The following CHST12 variants were observed in gnomAD, a reference collection of about 807,000 sequenced individuals.
CHST12 encodes the protein carbohydrate sulfotransferase 12, also known as carbohydrate (chondroitin 4) sulfotransferase 12.
CHST12 carries 23 observed loss-of-function variants against 27.9 expected under a neutral mutation model. That is an observed-to-expected ratio of 0.82 (90% confidence interval 0.59 to 1.17). The LOEUF is 1.17. CHST12 is among the 50% of genes most tolerant of loss of function. The pLI is 0.00. For synonymous variants in CHST12, 322 were observed against 273.0 expected (o/e 1.18, Z -1.77); for missense variants, 682 against 603.0 (o/e 1.13, Z -1.37).
intron 1 of CHST12, among the ~76,000 whole-genome samples, chr7:2,421,521 C>G (rs1048664800): frequency 6.6e-6 from 1 of 150,670 alleles, no homozygotes; most frequent in Non-Finnish European, 1.5e-5. Context: ...ACTGCAACTT[C>G]CACCTGCCAG....
chr7:2,428,502 G>C (rs1019266079), intron 1 of CHST12, among the ~76,000 whole-genome samples: 1 of 152,108 alleles, frequency 6.6e-6, no homozygotes, highest in Non-Finnish European at 1.5e-5. Context: ...AGCTGGGTCC[G>C]GGGGGTGACC....
At chr7:2,425,576 G>A (rs1019766928) in intron 1 of CHST12, among the ~76,000 whole-genome samples, 4 of 152,168 alleles carry the variant, frequency 2.6e-5, no homozygotes, top group African/African-American at 9.7e-5. Context: ...TGAGGTCACA[G>A]GACTGTTGTG....
At chr7:2,410,335 G>A (rs1010310601) in intron 1 of CHST12, among the ~76,000 whole-genome samples, 2 of 152,232 alleles carry the variant, frequency 1.3e-5, no homozygotes, top group Admixed American at 1.3e-4. Flanking sequence ...AAGACAGTGA[G>A]TGGATTAACT....
At chr7:2,417,637 G>A (rs1380411238) in intron 1 of CHST12, among the ~76,000 whole-genome samples, 1 of 152,072 alleles carries the variant, frequency 6.6e-6, no homozygotes, top group Non-Finnish European at 1.5e-5. Flanking sequence ...TGATCCGCCT[G>A]CCTTGGCCTC....
chr7:2,416,877 ACGC>A (rs1781822552), intron 1 of CHST12, among the ~76,000 whole-genome samples: 1 of 152,138 alleles, frequency 6.6e-6, no homozygotes, highest in Non-Finnish European at 1.5e-5. Flanking sequence ...AGAGTCACAT[ACGC>A]CTTCTCCGCA....
chr7:2,404,782 A>T (rs1781479277), intron 1 of CHST12, among the ~76,000 whole-genome samples: 2 of 152,238 alleles, frequency 1.3e-5, no homozygotes, highest in African/African-American at 2.4e-5. Context: ...AAAGGAGTTT[A>T]TGGGACTTTG....
At chr7:2,404,532 C>T (rs1408828701) in intron 1 of CHST12, among the ~76,000 whole-genome samples, 1 of 152,256 alleles carries the variant, frequency 6.6e-6, no homozygotes. Flanking sequence ...ACACCAGGCC[C>T]TACGGTGCTG....
rs1562525899 is a variant in CHST12, at chr7:2,443,562, A to G, written c.*9678A>G. 1 of 152,184 alleles carries G rather than the reference A, an allele frequency of 6.6e-6. No homozygotes were observed. Among genetic ancestry groups the G allele is most frequent in the Non-Finnish European group, 1.5e-5 (1 of 68,038 alleles). 9.4% of individuals were successfully genotyped at this position (152,184 alleles called of 1,614,324 possible). On this transcript the variant is annotated 3_prime_UTR_variant, in exon 2 of 2. Transcript: ENST00000618655. ...GGGGTCATATGGTAATTTATCTTTA[A>G]TTTTTGGAGGAATTGAATTTCAATT...
Position 2,432,964 on chromosome 7 carries a change from C to A in CHST12, c.325C>A (p.Arg109Ser), listed in dbSNP as rs17132395. The A allele has an allele frequency of 5.1e-3, 8,130 of 1,609,344 alleles. 388 individuals carry two copies. In the African/African-American group the frequency reaches 0.095, roughly 19 times the overall value. The change falls in exon 2 of 2, where the codon CGC becomes AGC. Residue 109 changes from arginine (R) to serine (S), a missense_variant. By Grantham distance (110) the Arg-to-Ser change is moderately radical (BLOSUM62 -1). Transcript: ENST00000618655. ...CGTGAGAGGCTACGACTGGTCCCCG[C>A]GCGACGCCCGGCGCAGCCCAGACCA... ...ESVRGYDWSP[R>S]DARRSPDQGR...
chr7:2,409,801 TC>T, intron 1 of CHST12, among the ~76,000 whole-genome samples: 1 of 152,312 alleles, frequency 6.6e-6, no homozygotes, highest in East Asian at 1.9e-4. Flanking sequence ...GGCTTTCTGC[TC>T]TGATGGAATG....
intron 1 of CHST12, 47 bp from the exon 2 acceptor site, chr7:2,432,516 G>A: frequency 1.8e-6 from 2 of 1,131,376 alleles, no homozygotes; most frequent in Non-Finnish European, 2.5e-6. Flanking sequence ...AGGAGTCAGA[G>A]CCCCAGTGCA....
chr7:2,404,824 T>G (rs1781480754), intron 1 of CHST12, among the ~76,000 whole-genome samples: 1 of 152,274 alleles, frequency 6.6e-6, no homozygotes, highest in African/African-American at 2.4e-5. Flanking sequence ...AGTAACTGTC[T>G]GCTGTCACTC....
At position 2,442,432 on chromosome 7, in the gene CHST12, C is replaced by T. The variant is rs1378754970; in HGVS notation, c.*8548C>T. 6.6e-6 allele frequency: 1 copy of T among 152,306 alleles called. No homozygotes were observed. The highest frequency in any genetic ancestry group is 1.5e-5 in the Non-Finnish European group (1 of 68,128). 9.4% of individuals were successfully genotyped at this position (152,306 alleles called of 1,614,324 possible). A position where few individuals can be genotyped will look rare whatever the true frequency, so the allele number is the denominator to read the frequency against. ...AGGCTGGAGTGCGGTGGCACCATCTCAGCTCACTGCAAGCTCCGCCTCCCA... is the reference window on the plus strand; with the variant it reads ...AGGCTGGAGTGCGGTGGCACCATCTTAGCTCACTGCAAGCTCCGCCTCCCA... On this transcript the variant is annotated 3_prime_UTR_variant, in exon 2 of 2. Coordinates refer to ENST00000618655, the MANE Select transcript of CHST12 (RefSeq NM_018641.5).
At position 2,432,907 on chromosome 7, in the gene CHST12, C is replaced by G. The variant is rs772439530; in HGVS notation, c.268C>G (p.Gln90Glu). Residue 90 changes from glutamine to glutamate, a missense_variant, in exon 2 of 2, where the codon CAG (glutamine) becomes GAG (glutamate). Gln to Glu is a conservative substitution (Grantham distance 29, BLOSUM62 2). Transcript: ENST00000618655. ...CGACCTTCCCAGAAAGGAGACGGAG[C>G]AGCCGCCTGCGCCGGGGAGCATGGA... is the stretch of plus-strand genomic sequence containing the variant. ...QSDLPRKETE[Q>E]PPAPGSMEES... 1.9e-6 allele frequency: 3 copies of G among 1,613,128 alleles called. No homozygotes were observed. The highest frequency in any genetic ancestry group is 1.7e-5 in the Admixed American group (1 of 60,014).
rs950462527 is a variant in CHST12, at chr7:2,440,843, G to A, written c.*6959G>A. On this transcript the variant is annotated 3_prime_UTR_variant, in exon 2 of 2. Transcript: ENST00000618655. ...GGGTCGGGAGTCAACGATACTTCTT[G>A]TGCTGTCGTTTCTCCGGCCGTGTGA... The A allele has an allele frequency of 1.3e-5, 2 of 152,290 alleles. No individual in the cohort carries two copies. Among genetic ancestry groups the A allele is most frequent in the South Asian group, 2.1e-4 (1 of 4,826 alleles). The allele number at this position is 152,290 out of a possible 1,614,324, so 9.4% of individuals were successfully genotyped here. A position where few individuals can be genotyped will look rare whatever the true frequency, so the allele number is the denominator to read the frequency against.
At position 2,435,357 on chromosome 7, in the gene CHST12, A is replaced by G. The variant is rs1357042669; in HGVS notation, c.*1473A>G. 1 of 152,254 alleles carries G rather than the reference A, an allele frequency of 6.6e-6. No homozygotes were observed. The allele number at this position is 152,254 out of a possible 1,614,324, so 9.4% of individuals were successfully genotyped here. A position where few individuals can be genotyped will look rare whatever the true frequency, so the allele number is the denominator to read the frequency against. On this transcript the variant is annotated 3_prime_UTR_variant, in exon 2 of 2. Transcript: ENST00000618655. The stretch of plus-strand genomic sequence containing the variant: ...TGGATGACAGTACCCAGTGTCACCA[A>G]GAAGAGGCTCCGTGTGACTGTCTCT...
intron 1 of CHST12, among the ~76,000 whole-genome samples, chr7:2,419,225 A>G (rs1259868164): frequency 6.6e-6 from 1 of 152,124 alleles, no homozygotes; most frequent in East Asian, 1.9e-4. Flanking sequence ...CCTGGTCAAC[A>G]TGGTGAAACC....
rs1315927695 is a variant in CHST12, at chr7:2,442,903, A to G, written c.*9019A>G. On this transcript the variant is annotated 3_prime_UTR_variant, in exon 2 of 2. Coordinates refer to ENST00000618655, the MANE Select transcript of CHST12 (RefSeq NM_018641.5). ...TCTCCATGCAACAATCTAATGCCTG[A>G]TGATCTGAAGTGGAACAGGTTTTTG... The G allele has an allele frequency of 6.6e-6, 1 of 152,076 alleles. No individual in the cohort carries two copies. Among genetic ancestry groups the G allele is most frequent in the Non-Finnish European group, 1.5e-5 (1 of 68,028 alleles). 9.4% of individuals were successfully genotyped at this position (152,076 alleles called of 1,614,324 possible).
At position 2,436,354 on chromosome 7, in the gene CHST12, T is replaced by A. The variant is rs1168432836; in HGVS notation, c.*2470T>A. On this transcript the variant is annotated 3_prime_UTR_variant, in exon 2 of 2. Transcript: ENST00000618655. ...TCTACTACCCGAGCTCCCTCAGAAA[T>A]GGAGTCACACAGTATTGGTCCTTTT... The A allele has an allele frequency of 6.6e-6, 1 of 152,176 alleles. No individual in the cohort carries two copies. The highest frequency in any genetic ancestry group is 2.4e-5 in the African/African-American group (1 of 41,432). The allele number at this position is 152,176 out of a possible 1,614,324, so 9.4% of individuals were successfully genotyped here.
Sources: allele counts gnomAD v4.1 joint callset (sites outside exome capture counted in the v4.1 genomes callset), GRCh38; gene constraint gnomAD v4.1.1; transcripts MANE v1.5; gene names NCBI Gene and HGNC (gene_info 2026-07-23, HGNC 2026-07-21).